The following DIP2A variants were observed in gnomAD, a reference collection of about 807,000 sequenced individuals.
DIP2A encodes the protein disco-interacting protein 2 homolog A.
A neutral mutation model predicts 177.4 loss-of-function variants in DIP2A; 85 were observed. That is an observed-to-expected ratio of 0.48 (90% confidence interval 0.40 to 0.57). DIP2A has a LOEUF of 0.57. DIP2A is among the 20% of genes least tolerant of loss of function. DIP2A has a pLI of 0.00. For missense variants in DIP2A, 1,791 were observed against 2,100.2 expected (o/e 0.85, Z 2.88); for synonymous variants, 886 against 881.8 (o/e 1.00, Z -0.08).
chr21:46,570,884 A>G (rs1750255619), downstream of DIP2A, among the ~76,000 whole-genome samples: 1 of 152,232 alleles, frequency 6.6e-6, no homozygotes, highest in African/African-American at 2.4e-5. Context: ...ACAAATTCCA[A>G]GTAAGATGAA....
intron 2 of DIP2A, 98 bp downstream of exon 2, chr21:46,484,926 T>C: frequency 8.3e-7 from 1 of 1,203,388 alleles, no homozygotes; most frequent in Non-Finnish European, 1.1e-6. Flanking sequence ...TTAGCAATGT[T>C]AAACCAACTT....
At chr21:46,551,262 T>G (rs969552165) in intron 23 of DIP2A, among the ~76,000 whole-genome samples, 3 of 151,774 alleles carry the variant, frequency 2.0e-5, no homozygotes, top group Admixed American at 6.6e-5. Flanking sequence ...CATGCCAAAG[T>G]TTTTTTTTAT....
chr21:46,479,697 G>T (rs571121359), intron 1 of DIP2A, among the ~76,000 whole-genome samples: 64 of 151,894 alleles, frequency 4.2e-4, no homozygotes, highest in African/African-American at 5.3e-4. Context: ...CAGCTAATTG[G>T]TTTTTTTTCT....
downstream of DIP2A, among the ~76,000 whole-genome samples, chr21:46,574,184 T>C (rs527952229): frequency 2.6e-5 from 4 of 152,246 alleles, no homozygotes; most frequent in South Asian, 8.3e-4. Flanking sequence ...TAAAAATCTA[T>C]AGCAGAAGGA....
At chr21:46,477,977 A>C (rs1568929677) in intron 1 of DIP2A, among the ~76,000 whole-genome samples, 1 of 152,132 alleles carries the variant, frequency 6.6e-6, no homozygotes, top group Non-Finnish European at 1.5e-5. Flanking sequence ...TTGGGTAATC[A>C]GTTGACTCAG....
chr21:46,561,245 A>T (rs11910673), intron 33 of DIP2A: 3,733 of 268,218 alleles, frequency 0.014, 132 homozygotes, highest in African/African-American at 0.08. Context: ...AAGACAAGTT[A>T]TCCATCTACT....
chr21:46,520,357 A>G (rs533623860), intron 8 of DIP2A, among the ~76,000 whole-genome samples: 12 of 152,346 alleles, frequency 7.9e-5, no homozygotes, highest in African/African-American at 2.6e-4. Context: ...TATTAGTCCT[A>G]TTAGTTCAGC....
At chr21:46,566,499 G>A (rs1013555296) in intron 36 of DIP2A, 61 bp from the exon 37 acceptor site, 13 of 1,608,630 alleles carry the variant, frequency 8.1e-6, no homozygotes, top group African/African-American at 4.0e-5. Context: ...CAGAGGATAC[G>A]AATGTCCAGA....
Position 46,557,202 on chromosome 21 carries a change from A to T in DIP2A, c.3629+133A>T. On this transcript the variant is annotated intron_variant, in intron 30 of 37. Transcript: ENST00000417564. The surrounding 1 kb of genome is among the most constrained non-coding windows in gnomAD (Gnocchi z 6.0). ...TGTGTGTGAGTGGGTTTGTTTGGGG[A>T]TGAAGTGGGTTGGAGTCTGAGTCTG... 2.8e-6 allele frequency: 3 copies of T among 1,066,620 alleles called. No individual in the cohort carries two copies. In the South Asian group the frequency reaches 5.2e-5, roughly 19 times the overall value. The allele number at this position is 1,066,620 out of a possible 1,614,324, so 66.1% of individuals were successfully genotyped here. A position where few individuals can be genotyped will look rare whatever the true frequency, so the allele number is the denominator to read the frequency against.
rs909908421 is a variant in DIP2A, at chr21:46,511,584, A to G, written c.1072A>G (p.Thr358Ala). ...CCCCTGTCTGACTGCCTTGGATACA[A>G]CTGGGAAAGCCGTCTACACTCTCAC... ...KSPCLTALDT[T>A]GKAVYTLTYG... is the part of the protein sequence containing the mutation. Residue 358 changes from threonine (T) to alanine (A), a missense_variant, in exon 8 of 38, where the codon ACT becomes GCT. By Grantham distance (58) the Thr-to-Ala change is moderately conservative (BLOSUM62 0). Coordinates refer to ENST00000417564, the MANE Select transcript of DIP2A (RefSeq NM_015151.4). The G allele has an allele frequency of 1.8e-5, 28 of 1,565,816 alleles. No individual in the cohort carries two copies. Among genetic ancestry groups the G allele is most frequent in the Non-Finnish European group, 2.3e-5 (27 of 1,158,888 alleles).
intron 16 of DIP2A, chr21:46,538,901 T>C: frequency 3.1e-6 from 1 of 326,718 alleles, no homozygotes; most frequent in Non-Finnish European, 5.7e-6. Flanking sequence ...GGGTTCCTGT[T>C]TCTCTTTAGG....
intron 1 of DIP2A, among the ~76,000 whole-genome samples, chr21:46,476,298 G>A (rs2839278): frequency 0.35 from 53,266 of 151,814 alleles, 9,691 homozygotes; most frequent in Middle Eastern, 0.45. Context: ...GGCTCAATCT[G>A]ACTAACTGCC....
intron 27 of DIP2A, 33 bp from the exon 28 acceptor site, chr21:46,554,789 C>CCCCCCCCCCCCCCCCCCCCCCCCCCCA: frequency 2.0e-6 from 1 of 492,154 alleles, no homozygotes; most frequent in East Asian, 7.4e-5. Context: ...TTGAGAGGCC[C>CCCCCCCCCCCCCCCCCCCCCCCCCCCA]CGCCCACCCA....
intron 3 of DIP2A, among the ~76,000 whole-genome samples, chr21:46,491,209 A>G (rs2056993080): frequency 6.6e-6 from 1 of 152,240 alleles, no homozygotes; most frequent in African/African-American, 2.4e-5. Context: ...TTGAATCAAT[A>G]GAATGGCCAT....
At chr21:46,550,162 C>A in intron 22 of DIP2A, 1 of 864,958 alleles carries the variant, frequency 1.2e-6, no homozygotes, top group Non-Finnish European at 1.7e-6. Context: ...TGCACTCTCA[C>A]AGTGATTTTG....
Position 46,550,581 on chromosome 21 carries a change from G to C in DIP2A, c.2676G>C (p.Leu892=). The change falls in exon 23 of 38, where the codon CTG becomes CTC. Residue 892 remains leucine, a synonymous_variant. Coordinates refer to ENST00000417564, the MANE Select transcript of DIP2A (RefSeq NM_015151.4). The stretch of plus-strand genomic sequence containing the variant: ...TCCACCAGGTGGGCGTGTACTGTCT[G>C]GCCCTGGTTCCTGCCAACACCTTGC... ...DSIHQVGVYC[L]ALVPANTLPK... 6.2e-7 allele frequency: 1 copy of C among 1,613,640 alleles called. No individual in the cohort carries two copies. The highest frequency in any genetic ancestry group is 1.1e-5 in the South Asian group (1 of 90,984).
At chr21:46,516,744 C>T (rs984059208) in intron 8 of DIP2A, among the ~76,000 whole-genome samples, 33 of 151,874 alleles carry the variant, frequency 2.2e-4, no homozygotes, top group African/African-American at 7.7e-4. Flanking sequence ...CCACCTGCCT[C>T]GGCCTCCCAA....
intron 9 of DIP2A, 149 bp from the exon 10 acceptor site, chr21:46,531,978 A>G (rs750208381): frequency 7.8e-5 from 52 of 663,034 alleles, no homozygotes; most frequent in Non-Finnish European, 1.1e-4. Context: ...ACTCAGTTAA[A>G]TACTATTTGG....
intron 9 of DIP2A, among the ~76,000 whole-genome samples, chr21:46,531,653 T>C (rs1356250691): frequency 1.3e-5 from 2 of 152,210 alleles, no homozygotes; most frequent in Admixed American, 1.3e-4. Context: ...TTGAAGAAAT[T>C]GGTGGCAAAT....
Sources: gnomAD v4.1 joint callset for allele counts (sites outside exome capture counted in the v4.1 genomes callset) on GRCh38, gnomAD v4.1.1 for gene constraint, Gnocchi (gnomAD v3.1) non-coding constraint, MANE v1.5 for transcripts, NCBI Gene and HGNC (gene_info 2026-07-23, HGNC 2026-07-21) for gene names.